The following TCF12 variants were observed in gnomAD, a reference collection of about 807,000 sequenced individuals.
The protein encoded by TCF12 is DNA-binding protein HTF4.
In TCF12, 45 loss-of-function variants were observed where a neutral mutation model predicts 86.0. The ratio of observed to expected loss-of-function variants is 0.52; its 90% CI spans 0.41 to 0.67. The LOEUF (loss-of-function observed/expected upper bound fraction) is 0.67, where lower values mean the gene tolerates loss of function less well. TCF12 is among the 30% of genes least tolerant of loss of function. TCF12 has a pLI of 0.00. For synonymous variants in TCF12, 330 were observed against 299.6 expected (o/e 1.10, Z -1.05); for missense variants, 881 against 859.9 (o/e 1.02, Z -0.31).
At chr15:57,271,672 G>T (rs374065702) in intron 18 of TCF12, among the ~76,000 whole-genome samples, 5 of 152,254 alleles carry the variant, frequency 3.3e-5, no homozygotes, top group African/African-American at 7.2e-5. Context: ...CTTCTTCTTC[G>T]ATCTCACTGG....
At chr15:56,961,443 C>G (rs2061748938) in intron 3 of TCF12, among the ~76,000 whole-genome samples, 2 of 152,200 alleles carry the variant, frequency 1.3e-5, no homozygotes, top group Admixed American at 1.3e-4. Flanking sequence ...CACCAGAGTA[C>G]AGTCTCCATA....
At chr15:57,242,493 G>A (rs2059677519) in intron 12 of TCF12, among the ~76,000 whole-genome samples, 1 of 151,990 alleles carries the variant, frequency 6.6e-6, no homozygotes, top group East Asian at 1.9e-4. Flanking sequence ...TGACCAACAT[G>A]ACAAAAACCC....
At chr15:57,031,618 C>T (rs2066195810) in intron 3 of TCF12, among the ~76,000 whole-genome samples, 1 of 152,266 alleles carries the variant, frequency 6.6e-6, no homozygotes. Context: ...GGACAGAATA[C>T]ATGGTCACCA....
At chr15:57,179,837 A>T (rs1237718376) in intron 6 of TCF12, among the ~76,000 whole-genome samples, 3 of 152,080 alleles carry the variant, frequency 2.0e-5, no homozygotes, top group Admixed American at 2.0e-4. Context: ...CAAAGTGTTC[A>T]TAATGACTTG....
At chr15:57,245,738 G>A (rs1287984878) in intron 13 of TCF12, among the ~76,000 whole-genome samples, 2 of 152,160 alleles carry the variant, frequency 1.3e-5, no homozygotes, top group African/African-American at 4.8e-5. Context: ...GGGCGATGCT[G>A]TCTTTTTCTC....
At chr15:56,961,390 T>A (rs2061745805) in intron 3 of TCF12, among the ~76,000 whole-genome samples, 1 of 152,210 alleles carries the variant, frequency 6.6e-6, no homozygotes, top group South Asian at 2.1e-4. Flanking sequence ...CTGCTTTCCA[T>A]TTTTAAGTAT....
At chr15:57,098,757 G>A (rs563130415) in intron 5 of TCF12, among the ~76,000 whole-genome samples, 2 of 152,246 alleles carry the variant, frequency 1.3e-5, no homozygotes, top group East Asian at 3.9e-4. Flanking sequence ...AACTTAAACC[G>A]GGTGAAACAA....
At chr15:57,233,934 GT>G in intron 11 of TCF12, 108 bp from the exon 12 acceptor site, 2 of 832,604 alleles carry the variant, frequency 2.4e-6, no homozygotes, top group South Asian at 2.9e-5. Context: ...CTAGTTTACT[GT>G]AACAGATGTG....
At chr15:57,107,540 A>G (rs1255781259) in intron 5 of TCF12, among the ~76,000 whole-genome samples, 7 of 152,148 alleles carry the variant, frequency 4.6e-5, no homozygotes, top group African/African-American at 1.7e-4. Context: ...ATACAACACC[A>G]AGAGTAAACC....
At chr15:57,089,584 G>GTT (rs71113060) in intron 4 of TCF12, among the ~76,000 whole-genome samples, 1 of 145,612 alleles carries the variant, frequency 6.9e-6, no homozygotes, top group Non-Finnish European at 1.5e-5. Flanking sequence ...TTAGGAAATA[G>GTT]TTTTTTTTTT....
intron 18 of TCF12, among the ~76,000 whole-genome samples, chr15:57,270,496 G>T (rs1246109044): frequency 6.6e-6 from 1 of 152,114 alleles, no homozygotes. Flanking sequence ...CTCGCAGTGG[G>T]TTAGAACATG....
intron 3 of TCF12, among the ~76,000 whole-genome samples, chr15:56,921,917 C>G (rs2059810211): frequency 6.6e-6 from 1 of 151,930 alleles, no homozygotes; most frequent in Admixed American, 6.6e-5. Context: ...TATTAAAATT[C>G]ATTTTTAATT....
At chr15:57,228,660 CTT>C (rs2058996124) in intron 8 of TCF12, among the ~76,000 whole-genome samples, 2 of 151,932 alleles carry the variant, frequency 1.3e-5, no homozygotes, top group South Asian at 4.1e-4. Context: ...AGCATATTCT[CTT>C]TTATTTAGCA....
In TCF12 at chr15:57,227,050, C is replaced by T. The variant is rs77265359; in HGVS notation, c.580-4102C>T. Among the ~76,000 whole-genome samples, 441 of 152,164 alleles carry T rather than the reference C, an allele frequency of 2.9e-3. 3 individuals carry two copies. The highest frequency in any genetic ancestry group is 0.01 in the African/African-American group (425 of 41,520). On this transcript the variant is annotated intron_variant, in intron 8 of 20. Transcript: ENST00000333725. ...CAATTAGGATATATAGCTATTGTCA[C>T]ATACTAAAGAAAATTCCCATCTCTT...
chr15:57,214,951 A>C (rs1460676667), intron 8 of TCF12, among the ~76,000 whole-genome samples: 2 of 152,172 alleles, frequency 1.3e-5, no homozygotes, highest in Non-Finnish European at 2.9e-5. Flanking sequence ...AAGATGCACT[A>C]TTGATTTTAG....
chr15:57,066,068 T>C (rs1254818907), intron 4 of TCF12, among the ~76,000 whole-genome samples: 1 of 152,166 alleles, frequency 6.6e-6, no homozygotes. Context: ...GTTTTTCGTA[T>C]CATTTTCAAA....
rs71113066 is a variant in TCF12 at position 57,123,968 on chromosome 15, C to CAAAAAAAAAAAAAA, written c.325+32078_325+32091dup. On this transcript the variant is annotated intron_variant, in intron 5 of 20. Transcript: ENST00000333725. The stretch of plus-strand genomic sequence containing the variant: ...TGGGCGACAGAGTGAGACTCCGTCT[C>CAAAAAAAAAAAAAA]AAAAAAAAAAAAAATTTTTTTTTTT... 1.5e-3 allele frequency among the ~76,000 whole-genome samples: 124 copies of CAAAAAAAAAAAAAA among 81,044 alleles called. 10 individuals carry two copies. In the Middle Eastern group the frequency reaches 0.02, roughly 13 times the overall value. The allele number at this position is 81,044 out of a possible 152,430, so 53.2% of individuals were successfully genotyped here.
At chr15:56,927,048 A>AATTT (rs2060045769) in intron 3 of TCF12, among the ~76,000 whole-genome samples, 1 of 152,150 alleles carries the variant, frequency 6.6e-6, no homozygotes, top group Admixed American at 6.5e-5. Flanking sequence ...AAAATAACAG[A>AATTT]AGTAAAGGAT....
intron 3 of TCF12, among the ~76,000 whole-genome samples, chr15:56,924,693 T>C (rs1294070417): frequency 6.6e-6 from 1 of 152,230 alleles, no homozygotes; most frequent in Non-Finnish European, 1.5e-5. Context: ...TAGTTATTAA[T>C]GAGAGTAACC....
Sources: gnomAD v4.1 joint callset for allele counts (sites outside exome capture counted in the v4.1 genomes callset) on GRCh38, gnomAD v4.1.1 for gene constraint, MANE v1.5 for transcripts, NCBI Gene and HGNC (gene_info 2026-07-23, HGNC 2026-07-21) for gene names.